Variants in PCDH15 observed in about 807,000 individuals in gnomAD.
PCDH15 encodes protocadherin related 15, also known as protocadherin-15.
In PCDH15, 129 loss-of-function variants were observed where a neutral mutation model predicts 178.5. That is an observed-to-expected ratio of 0.72 (90% CI 0.63 to 0.84). The LOEUF (loss-of-function observed/expected upper bound fraction) is 0.84. PCDH15 is among the 40% of genes least tolerant of loss of function. PCDH15 has a pLI of 0.00. For synonymous variants in PCDH15, 800 were observed against 732.0 expected (o/e 1.09, Z -1.50); for missense variants, 2,230 against 2,099.9 (o/e 1.06, Z -1.21).
chr10:53,958,505 T>C (rs1193655468), intron 23 of PCDH15, among the ~76,000 whole-genome samples: 5 of 152,200 alleles, frequency 3.3e-5, no homozygotes, highest in African/African-American at 9.6e-5. Context: ...CAGTGTATTA[T>C]ATTTTTCATA....
intron 2 of PCDH15, among the ~76,000 whole-genome samples, chr10:54,951,652 C>A (rs866549877): frequency 3.6e-4 from 55 of 151,742 alleles, no homozygotes; most frequent in African/African-American, 1.3e-3. Flanking sequence ...TCTTTTAAAG[C>A]GGTTATAGCA....
Position 54,233,799 on chromosome 10 carries a change from C to G in PCDH15, c.985+3024G>C, listed in dbSNP as rs185950154. On this transcript the variant is annotated intron_variant, in intron 9 of 37. Coordinates refer to ENST00000644397, the MANE Select transcript of PCDH15 (RefSeq NM_001384140.1). Reference sequence around the variant, plus strand: ...TTTAGAATCCCAGAAATATGTTAAACTTTTTAAAACTCCCTATGAACATCA... The same window carrying G: ...TTTAGAATCCCAGAAATATGTTAAAGTTTTTAAAACTCCCTATGAACATCA... 1.6e-3 allele frequency among the ~76,000 whole-genome samples: 250 copies of G among 152,256 alleles called. 1 individual carries two copies. The highest frequency in any genetic ancestry group is 5.8e-3 in the African/African-American group (243 of 41,570).
chr10:54,588,530 T>G (rs1385229694), intron 2 of PCDH15, among the ~76,000 whole-genome samples: 1 of 152,118 alleles, frequency 6.6e-6, no homozygotes, highest in Non-Finnish European at 1.5e-5. Context: ...GTGAGGGAAA[T>G]ATATAGTTAT....
At chr10:55,314,742 T>C (rs1843681223) in intron 1 of PCDH15, among the ~76,000 whole-genome samples, 2 of 152,176 alleles carry the variant, frequency 1.3e-5, no homozygotes, top group Non-Finnish European at 2.9e-5. Context: ...CTCAGTTACG[T>C]TTTTCCACAT....
chr10:55,399,842 A>G (rs1838021630), intron 2 of PCDH15, among the ~76,000 whole-genome samples: 1 of 152,100 alleles, frequency 6.6e-6, no homozygotes, highest in Non-Finnish European at 1.5e-5. Flanking sequence ...GTTTTATGTA[A>G]TATAAAAATA....
chr10:55,612,785 CTA>C (rs1843395199), intron 2 of PCDH15, among the ~76,000 whole-genome samples: 1 of 152,156 alleles, frequency 6.6e-6, no homozygotes, highest in African/African-American at 2.4e-5. Context: ...CTCTACTAAT[CTA>C]TGTCTTAGCA....
rs183099164 is a variant in PCDH15, at chr10:54,813,370, C to T, written c.-29+84080G>A. Among the ~76,000 whole-genome samples, 48 of 152,220 alleles carry T rather than the reference C, an allele frequency of 3.2e-4. 1 individual carries two copies. Among genetic ancestry groups the T allele is most frequent in the Non-Finnish European group, 4.4e-5 (3 of 68,010 alleles). On this transcript the variant is annotated intron_variant, in intron 3 of 5. Coordinates refer to the PCDH15 transcript ENST00000458638. ...TAGTAGATGTCTCCATGTGGTTATA[C>T]CAGAAACTCAAAACAGATTTGCAAT...
intron 2 of PCDH15, among the ~76,000 whole-genome samples, chr10:55,358,258 G>T (rs1043471592): frequency 6.6e-6 from 1 of 152,104 alleles, no homozygotes; most frequent in African/African-American, 2.4e-5. Flanking sequence ...TGAATAATTT[G>T]CATTATTTGA....
In PCDH15 at chr10:55,359,769, C is replaced by CATAT. The variant is rs1221872966; in HGVS notation, c.-155-193119_-155-193118insATAT. 1.2e-3 allele frequency among the ~76,000 whole-genome samples: 172 copies of CATAT among 140,378 alleles called. 1 individual carries two copies. Among genetic ancestry groups the CATAT allele is most frequent in the African/African-American group, 4.3e-3 (159 of 36,924 alleles). 92.1% of individuals were successfully genotyped at this position (140,378 alleles called of 152,430 possible). On this transcript the variant is annotated intron_variant, in intron 2 of 5. Transcript: ENST00000613346. The stretch of plus-strand genomic sequence containing the variant: ...ATATACACACACACACACACACACA[C>CATAT]ACATATATATATATAAACAATGAAA...
chr10:54,479,506 T>A (rs971392122), intron 3 of PCDH15, among the ~76,000 whole-genome samples: 2 of 151,980 alleles, frequency 1.3e-5, no homozygotes, highest in African/African-American at 4.8e-5. Flanking sequence ...TGAATTGTAA[T>A]CCAAAATTAA....
intron 3 of PCDH15, among the ~76,000 whole-genome samples, chr10:54,504,042 C>T (rs144284725): frequency 2.6e-5 from 4 of 152,158 alleles, no homozygotes; most frequent in Admixed American, 6.6e-5. Context: ...GCTAACATCA[C>T]GTTTCTCTTG....
At chr10:55,552,327 A>C (rs1431866330) in intron 2 of PCDH15, among the ~76,000 whole-genome samples, 1 of 151,642 alleles carries the variant, frequency 6.6e-6, no homozygotes, top group African/African-American at 2.4e-5. Context: ...CAGATTTTCA[A>C]AATTTCTTAA....
At chr10:54,844,003 C>A (rs1308707708) in intron 3 of PCDH15, among the ~76,000 whole-genome samples, 1 of 151,962 alleles carries the variant, frequency 6.6e-6, no homozygotes, top group Non-Finnish European at 1.5e-5. Flanking sequence ...AAATATAACA[C>A]AGAGCATGGC....
chr10:55,110,730 T>G (rs1837481489), intron 2 of PCDH15, among the ~76,000 whole-genome samples: 1 of 151,870 alleles, frequency 6.6e-6, no homozygotes, highest in Admixed American at 6.6e-5. Context: ...AAAAAGAGTT[T>G]AACAAGGATC....
intron 10 of PCDH15, among the ~76,000 whole-genome samples, chr10:54,213,518 T>C (rs1476641597): frequency 6.6e-6 from 1 of 152,072 alleles, no homozygotes; most frequent in Non-Finnish European, 1.5e-5. Context: ...AAAAATACAT[T>C]AGAATACAAT....
At chr10:55,609,311 GCAT>G (rs1843308010) in intron 2 of PCDH15, among the ~76,000 whole-genome samples, 1 of 152,094 alleles carries the variant, frequency 6.6e-6, no homozygotes, top group Non-Finnish European at 1.5e-5. Flanking sequence ...GGCAGCTCCA[GCAT>G]TACAAGTTGT....
At chr10:55,336,497 A>AAAAT (rs1356026826) in intron 2 of PCDH15, among the ~76,000 whole-genome samples, 42 of 152,224 alleles carry the variant, frequency 2.8e-4, no homozygotes, top group Non-Finnish European at 4.6e-4. Context: ...ACTCTGTGTC[A>AAAAT]AAATAAATAA....
At chr10:55,353,331 A>T (rs191267675) in intron 2 of PCDH15, among the ~76,000 whole-genome samples, 42 of 152,284 alleles carry the variant, frequency 2.8e-4, no homozygotes, top group Admixed American at 1.6e-3. Context: ...AGTTATAATG[A>T]CTTAAAATTC....
intron 2 of PCDH15, among the ~76,000 whole-genome samples, chr10:54,932,049 G>C (rs1837791495): frequency 6.6e-6 from 1 of 152,134 alleles, no homozygotes; most frequent in Non-Finnish European, 1.5e-5. Flanking sequence ...GATTCCATAA[G>C]ATAATAATGG....
Sources: gnomAD v4.1 joint callset for allele counts (sites outside exome capture counted in the v4.1 genomes callset) on GRCh38, gnomAD v4.1.1 for gene constraint, MANE v1.5 for transcripts, NCBI Gene and HGNC (gene_info 2026-07-23, HGNC 2026-07-21) for gene names.